IGF2BP2: variants seen among roughly 807,000 people sequenced by gnomAD.
IGF2BP2 encodes the protein insulin-like growth factor 2 mRNA-binding protein 2.
Under a neutral mutation model 75.8 loss-of-function variants are expected in IGF2BP2, and 17 were observed. The ratio of observed to expected loss-of-function variants is 0.22; its 90% confidence interval spans 0.15 to 0.34. The LOEUF (loss-of-function observed/expected upper bound fraction) is 0.34. Ranked by LOEUF, IGF2BP2 falls within the 10% of genes least tolerant of loss-of-function variation. IGF2BP2 has a pLI of 1.00. For synonymous variants in IGF2BP2, 288 were observed against 295.6 expected, an observed-to-expected ratio of 0.97 and a Z score of 0.26; for missense variants, 516 against 772.4, an observed-to-expected ratio of 0.67 and a Z score of 3.93.
chr3:185,808,475 C>T (rs138917104), intron 2 of IGF2BP2, among the ~76,000 whole-genome samples: 39 of 152,130 alleles, frequency 2.6e-4, no homozygotes, highest in Admixed American at 1.5e-3. Flanking sequence ...AGCTAAACTC[C>T]GTCTCAAAAA....
chr3:185,821,809 T>C (rs2150069767), intron 2 of IGF2BP2, among the ~76,000 whole-genome samples: 1 of 152,290 alleles, frequency 6.6e-6, no homozygotes, highest in East Asian at 1.9e-4. Flanking sequence ...TTATATTTGT[T>C]GTAAATAGTT....
At chr3:185,685,793 C>A (rs1721039395) in intron 7 of IGF2BP2, among the ~76,000 whole-genome samples, 1 of 152,134 alleles carries the variant, frequency 6.6e-6, no homozygotes, top group Non-Finnish European at 1.5e-5. Context: ...AGGTATACAC[C>A]ACCATGTCTA....
At chr3:185,789,003 G>T (rs913605313) in intron 2 of IGF2BP2, among the ~76,000 whole-genome samples, 1 of 152,076 alleles carries the variant, frequency 6.6e-6, no homozygotes, top group Non-Finnish European at 1.5e-5. Context: ...GTGAGCCACT[G>T]TGCCCAGCCT....
chr3:185,676,866 G>T (rs1481836127), intron 7 of IGF2BP2, among the ~76,000 whole-genome samples: 3 of 129,218 alleles, frequency 2.3e-5, no homozygotes, highest in Non-Finnish European at 5.0e-5. Flanking sequence ...ATATTTACTG[G>T]ATATATATAT....
intron 2 of IGF2BP2, among the ~76,000 whole-genome samples, chr3:185,771,628 C>A (rs1297196419): frequency 2.0e-5 from 3 of 152,098 alleles, no homozygotes; most frequent in Non-Finnish European, 2.9e-5. Flanking sequence ...TTCTAGATAA[C>A]CAAGGCTCTG....
chr3:185,746,856 TTGC>T (rs1730313076), intron 2 of IGF2BP2, among the ~76,000 whole-genome samples: 1 of 152,204 alleles, frequency 6.6e-6, no homozygotes, highest in Admixed American at 6.5e-5. Flanking sequence ...AAAGATCTCT[TTGC>T]TGCTTTAAGC....
At chr3:185,648,862 A>G (rs1302342623) in intron 14 of IGF2BP2, among the ~76,000 whole-genome samples, 1 of 152,184 alleles carries the variant, frequency 6.6e-6, no homozygotes, top group East Asian at 1.9e-4. Context: ...CATGTTTGGG[A>G]AACAGCCAGA....
intron 2 of IGF2BP2, among the ~76,000 whole-genome samples, chr3:185,786,142 C>T (rs892791767): frequency 3.3e-5 from 5 of 151,698 alleles, no homozygotes; most frequent in African/African-American, 4.8e-5. Context: ...AATTTTAATA[C>T]CAAAGATAAA....
chr3:185,736,218 C>T (rs1018496108), intron 2 of IGF2BP2, among the ~76,000 whole-genome samples: 5 of 152,108 alleles, frequency 3.3e-5, no homozygotes, highest in South Asian at 4.2e-4. Flanking sequence ...GCCAAGGTCA[C>T]GGGGACTCGG....
At chr3:185,665,467 AAGAAGAAGG>A (rs1717333250) in intron 10 of IGF2BP2, among the ~76,000 whole-genome samples, 1 of 81,654 alleles carries the variant, frequency 1.2e-5, no homozygotes, top group Non-Finnish European at 2.4e-5. Context: ...GAAGAAGAAG[AAGAAGAAGG>A]AGAAGAAGGA....
intron 2 of IGF2BP2, among the ~76,000 whole-genome samples, chr3:185,735,423 G>A (rs1421929980): frequency 6.6e-6 from 1 of 152,196 alleles, no homozygotes; most frequent in African/African-American, 2.4e-5. Context: ...TGGGATTACA[G>A]GCATGAGCCA....
intron 2 of IGF2BP2, among the ~76,000 whole-genome samples, chr3:185,750,782 T>C (rs543679514): frequency 6.6e-6 from 1 of 152,210 alleles, no homozygotes; most frequent in Non-Finnish European, 1.5e-5. Flanking sequence ...CTGTGTACTT[T>C]TACTCAAGTT....
chr3:185,768,254 G>A (rs1054078088), intron 2 of IGF2BP2, among the ~76,000 whole-genome samples: 6 of 152,184 alleles, frequency 3.9e-5, no homozygotes, highest in Admixed American at 3.3e-4. Context: ...TTTCCCAAGA[G>A]TATCTCTATT....
intron 1 of IGF2BP2, among the ~76,000 whole-genome samples, chr3:185,823,784 G>A (rs935254768): frequency 2.7e-4 from 41 of 151,826 alleles, no homozygotes; most frequent in African/African-American, 9.4e-4. Context: ...CCGGGGTTCG[G>A]GGGGCGCCGG....
At position 185,797,791 on chromosome 3, in the gene IGF2BP2, G is replaced by T. The variant is rs530362125; in HGVS notation, c.239+25362C>A. 2.0e-5 allele frequency among the ~76,000 whole-genome samples: 3 copies of T among 150,444 alleles called. No homozygotes were observed. The East Asian group carries it at 5.9e-4, about 30-fold the overall frequency. On this transcript the variant is annotated intron_variant, in intron 2 of 15. Coordinates refer to ENST00000382199, the MANE Select transcript of IGF2BP2 (RefSeq NM_006548.6). The stretch of plus-strand genomic sequence containing the variant: ...GTGGAGGTGCATGCCTGTAGTCCTA[G>T]CTACTGAGGAGGCTGAGGTGGGAGA...
intron 2 of IGF2BP2, chr3:185,728,243 C>T (rs968590672): frequency 5.9e-5 from 9 of 152,644 alleles, no homozygotes; most frequent in African/African-American, 2.2e-4. Context: ...GCGCCAGACC[C>T]TTGCTGCTCC....
At chr3:185,655,538 T>C (rs1560232390) in intron 12 of IGF2BP2, among the ~76,000 whole-genome samples, 1 of 152,188 alleles carries the variant, frequency 6.6e-6, no homozygotes, top group Non-Finnish European at 1.5e-5. Context: ...TGGAAAAGAT[T>C]GTTGGCCCAG....
intron 2 of IGF2BP2, among the ~76,000 whole-genome samples, chr3:185,723,717 G>C (rs1231040672): frequency 6.6e-6 from 1 of 152,150 alleles, no homozygotes; most frequent in Admixed American, 6.5e-5. Flanking sequence ...GGCTAGTGAG[G>C]GTCCCATGGA....
At chr3:185,820,204 A>ATG (rs377455853) in intron 2 of IGF2BP2, among the ~76,000 whole-genome samples, 4,665 of 137,072 alleles carry the variant, frequency 0.034, 121 homozygotes, top group African/African-American at 0.089. Flanking sequence ...GGCATGCAGT[A>ATG]TGTGTGTGTG....
Sources: allele counts gnomAD v4.1 joint callset (sites outside exome capture counted in the v4.1 genomes callset), GRCh38; gene constraint gnomAD v4.1.1; transcripts MANE v1.5; gene names NCBI Gene and HGNC (gene_info 2026-07-23, HGNC 2026-07-21).